The following ZNF710 variants were observed in gnomAD, a reference collection of about 807,000 sequenced individuals.
The protein encoded by ZNF710 is zinc finger protein 710.
Under a neutral mutation model 50.6 loss-of-function variants are expected in ZNF710, and 13 were observed. The observed-to-expected ratio is 0.26, with a 90% confidence interval of 0.17 to 0.41. The LOEUF is 0.41. Ranked by LOEUF, ZNF710 falls within the 10% of genes least tolerant of loss-of-function variation. The pLI, the probability that ZNF710 is intolerant of heterozygous loss-of-function variation, is 1.00. For missense variants in ZNF710, 721 were observed against 936.6 expected, an observed-to-expected ratio of 0.77 and a Z score of 3.01; for synonymous variants, 383 against 397.0, an observed-to-expected ratio of 0.96 and a Z score of 0.42.
At chr15:90,052,279 A>G (rs952335983) in intron 1 of ZNF710, among the ~76,000 whole-genome samples, 2 of 151,520 alleles carry the variant, frequency 1.3e-5, no homozygotes, top group Non-Finnish European at 1.5e-5. Flanking sequence ...ACTTGATCCC[A>G]TTTTCCACCA....
chr15:90,009,139 C>A (rs148784251), intron 1 of ZNF710, among the ~76,000 whole-genome samples: 28 of 151,574 alleles, frequency 1.8e-4, no homozygotes, highest in African/African-American at 6.5e-4. Flanking sequence ...AATGCCATCC[C>A]GGACCCCATC....
intron 1 of ZNF710, among the ~76,000 whole-genome samples, chr15:90,052,234 C>G (rs986770536): frequency 1.3e-5 from 2 of 151,610 alleles, no homozygotes; most frequent in African/African-American, 4.9e-5. Context: ...GGGCCCCTTT[C>G]TTCATCCCCA....
chr15:90,079,743 A>G lies in ZNF710; in HGVS notation c.1909A>G (p.Ser637Gly), dbSNP rs1194534840. 1.9e-6 allele frequency: 3 copies of G among 1,613,720 alleles called. No individual in the cohort carries two copies. The highest frequency in any genetic ancestry group is 2.7e-5 in the African/African-American group (2 of 74,906). Reference protein sequence around the residue: ...EMEDFEENAYSYASVDSSAEA... With the variant: ...EMEDFEENAYGYASVDSSAEA... ...GGAGGACTTCGAGGAGAACGCCTAC[A>G]GCTATGCGAGCGTGGACAGCAGCGC... The change falls in exon 5 of 5, where the codon AGC becomes GGC. Residue 637 changes from serine (S) to glycine (G), a missense_variant. By Grantham distance (56) the Ser-to-Gly change is moderately conservative. Around this residue, in one of 3 missense-constraint regions of ZNF710, gnomAD observed 69 missense variants for 67.6 expected, o/e 1.02. Transcript: ENST00000268154.
chr15:90,020,829 C>T (rs1052910719), intron 1 of ZNF710, among the ~76,000 whole-genome samples: 3 of 152,220 alleles, frequency 2.0e-5, no homozygotes, highest in African/African-American at 7.2e-5. Context: ...CCCGCCTCCC[C>T]GCAACTTGTG....
intron 1 of ZNF710, among the ~76,000 whole-genome samples, chr15:90,058,721 A>ATATATATATATATATATATATATG (rs1567236953): frequency 1.4e-5 from 2 of 144,658 alleles, no homozygotes; most frequent in East Asian, 3.9e-4. Flanking sequence ...ATATATATAC[A>ATATATATATATATATATATATATG]CACATATACA....
chr15:90,012,215 A>G (rs2151465090), intron 1 of ZNF710, among the ~76,000 whole-genome samples: 1 of 151,864 alleles, frequency 6.6e-6, no homozygotes, highest in East Asian at 1.9e-4. Flanking sequence ...AAAGAAAAAA[A>G]AAAAGAAAAA....
chr15:90,043,119 G>A (rs11856884), intron 1 of ZNF710, among the ~76,000 whole-genome samples: 30,845 of 152,246 alleles, frequency 0.2, 3,876 homozygotes, highest in East Asian at 0.62. Context: ...ACCCCACCGG[G>A]GACCGAGCAC....
chr15:90,074,424 G>A (rs1900519853), intron 4 of ZNF710, 134 bp downstream of exon 4: 4 of 1,545,932 alleles, frequency 2.6e-6, no homozygotes, highest in Admixed American at 1.9e-5. Flanking sequence ...AGGTCTGGAA[G>A]GGGGGTACCC....
At chr15:90,057,422 A>ACCAC (rs917289278) in intron 1 of ZNF710, among the ~76,000 whole-genome samples, 2 of 151,986 alleles carry the variant, frequency 1.3e-5, no homozygotes, top group African/African-American at 4.8e-5. Flanking sequence ...GAGGCCGGGC[A>ACCAC]CGGTGGCTCA....
Position 90,073,157 on chromosome 15 carries a change from C to T in ZNF710, c.1545C>T (p.Ser515=), listed in dbSNP as rs368410231. Residue 515 remains serine (S), a synonymous_variant, in exon 3 of 5, where the codon AGC becomes AGT. Transcript: ENST00000268154. ...NMKRHMLIHT[S]VRPYQCHICF... ...AGCGGCACATGCTGATCCACACCAG[C>T]GTCCGGCCCTACCAGTGCCACATCT... The T allele has an allele frequency of 1.1e-5, 18 of 1,614,196 alleles. No individual in the cohort carries two copies. The highest frequency in any genetic ancestry group is 5.5e-5 in the South Asian group (5 of 91,084).
chr15:90,047,657 T>G (rs1460673700), intron 1 of ZNF710, among the ~76,000 whole-genome samples: 1 of 150,672 alleles, frequency 6.6e-6, no homozygotes, highest in Non-Finnish European at 1.5e-5. Context: ...CGATCTCAGC[T>G]CACCGCAACC....
Position 90,041,892 on chromosome 15 carries a change from A to ATTT in ZNF710, c.-28-25197_-28-25195dup, listed in dbSNP as rs71151548. ...TCTGCCCCATGCCTCTTTGTTTTTGATTTTTTTTTTTTTTTTTTTTTTTGA... is the reference window on the plus strand; with the variant it reads ...TCTGCCCCATGCCTCTTTGTTTTTGATTTTTTTTTTTTTTTTTTTTTTTTTTGA... On this transcript the variant is annotated intron_variant, in intron 1 of 4. Transcript: ENST00000268154. 2.3e-3 allele frequency among the ~76,000 whole-genome samples: 258 copies of ATTT among 110,546 alleles called. 2 individuals are homozygous for ATTT. Among genetic ancestry groups the ATTT allele is most frequent in the South Asian group, 5.8e-3 (21 of 3,620 alleles). The allele number at this position is 110,546 out of a possible 152,430, so 72.5% of individuals were successfully genotyped here. A position where few individuals can be genotyped will look rare whatever the true frequency, so the allele number is the denominator to read the frequency against.
rs1491260734 is a variant in ZNF710 at position 90,058,700 on chromosome 15, T to TA, written c.-28-8410_-28-8409insA. On this transcript the variant is annotated intron_variant, in intron 1 of 4. Coordinates refer to ENST00000268154, the MANE Select transcript of ZNF710 (RefSeq NM_198526.4). The stretch of plus-strand genomic sequence containing the variant: ...TAGAACCAGTAGGAGACACTATATA[T>TA]TTATATATATATATATATACACACA... Among the ~76,000 whole-genome samples the TA allele has an allele frequency of 3.2e-3, 453 of 141,600 alleles. 7 individuals carry two copies. The highest frequency in any genetic ancestry group is 4.4e-3 in the Non-Finnish European group (297 of 67,626). The allele number at this position is 141,600 out of a possible 152,430, so 92.9% of individuals were successfully genotyped here. A position where few individuals can be genotyped will look rare whatever the true frequency, so the allele number is the denominator to read the frequency against.
At chr15:90,025,830 A>G (rs1356027894) in intron 1 of ZNF710, 1 of 152,234 alleles carries the variant, frequency 6.6e-6, no homozygotes, top group Non-Finnish European at 1.5e-5. Context: ...CAACCACTTG[A>G]AAAAATTTAA....
chr15:90,057,557 C>T (rs1050130531), intron 1 of ZNF710, among the ~76,000 whole-genome samples: 41 of 152,014 alleles, frequency 2.7e-4, no homozygotes, highest in African/African-American at 8.9e-4. Context: ...ATGAGCCAGG[C>T]GTGGTGGCGC....
chr15:90,023,143 C>T (rs1221303167), intron 1 of ZNF710, among the ~76,000 whole-genome samples: 1 of 152,072 alleles, frequency 6.6e-6, no homozygotes, highest in Non-Finnish European at 1.5e-5. Flanking sequence ...AGGCCTCGCA[C>T]CTATAAGGAG....
intron 1 of ZNF710, among the ~76,000 whole-genome samples, chr15:90,064,604 C>T (rs982743887): frequency 2.6e-5 from 4 of 152,210 alleles, no homozygotes; most frequent in Admixed American, 2.6e-4. Flanking sequence ...TCTCCTGCCT[C>T]AGACTCCCAA....
At chr15:90,053,379 C>T (rs1401047895) in intron 1 of ZNF710, among the ~76,000 whole-genome samples, 7 of 150,764 alleles carry the variant, frequency 4.6e-5, no homozygotes, top group African/African-American at 1.5e-4. Flanking sequence ...GACACGGTCT[C>T]ACTCTGTCAC....
Position 90,014,890 on chromosome 15 carries a change from A to ATT in ZNF710, c.-29+13294_-29+13295dup, listed in dbSNP as rs71151546. ...CATTAAGAAAAAGACCATCAACTGA[A>ATT]TTTTTTTTTTTTTTTTTTTGAGATG... On this transcript the variant is annotated intron_variant, in intron 1 of 4. Transcript: ENST00000268154. Among the ~76,000 whole-genome samples, 426 of 136,726 alleles carry ATT rather than the reference A, an allele frequency of 3.1e-3. 4 individuals are homozygous for ATT. The highest frequency in any genetic ancestry group is 0.011 in the African/African-American group (392 of 37,168). 89.7% of individuals were successfully genotyped at this position (136,726 alleles called of 152,430 possible).
Sources: gnomAD v4.1 joint callset for allele counts (sites outside exome capture counted in the v4.1 genomes callset) on GRCh38, gnomAD v4.1.1 for gene constraint, gnomAD v4.1.1 regional missense constraint, MANE v1.5 for transcripts, NCBI Gene and HGNC (gene_info 2026-07-23, HGNC 2026-07-21) for gene names.